Variants in EDIL3 observed in about 807,000 individuals in gnomAD.
EDIL3 encodes EGF like and discoidin domains 3, also known as EGF-like repeat and discoidin I-like domain-containing protein 3.
In EDIL3, 37 loss-of-function variants were observed where a neutral mutation model predicts 67.4. The observed-to-expected ratio is 0.55, with a 90% CI of 0.42 to 0.72. EDIL3 has a LOEUF of 0.72. EDIL3 is among the 30% of genes least tolerant of loss of function. The pLI is 0.00. For synonymous variants in EDIL3, 195 were observed against 196.3 expected, an observed-to-expected ratio of 0.99 and a Z score of 0.05; for missense variants, 527 against 586.3, an observed-to-expected ratio of 0.90 and a Z score of 1.04.
intron 5 of EDIL3, among the ~76,000 whole-genome samples, chr5:84,116,176 T>C (rs1747658756): frequency 1.4e-5 from 2 of 140,156 alleles, no homozygotes; most frequent in Admixed American, 1.5e-4. Context: ...TATGAAATTT[T>C]AGTGTTCCAG....
intron 1 of EDIL3, among the ~76,000 whole-genome samples, chr5:84,281,855 C>CT (rs10708663): frequency 0.038 from 2,730 of 72,172 alleles, 23 homozygotes; most frequent in Non-Finnish European, 0.045. Flanking sequence ...TTTTATTTCA[C>CT]TTTTTTTTTT....
intron 6 of EDIL3, among the ~76,000 whole-genome samples, chr5:84,070,022 A>G (rs1483295082): frequency 1.3e-5 from 2 of 151,930 alleles, no homozygotes; most frequent in African/African-American, 4.8e-5. Flanking sequence ...AATGATGTGG[A>G]TACCAAGGGG....
intron 4 of EDIL3, among the ~76,000 whole-genome samples, chr5:84,139,916 A>G (rs1748159820): frequency 6.6e-6 from 1 of 152,188 alleles, no homozygotes; most frequent in East Asian, 1.9e-4. Flanking sequence ...GTGTTTAGGT[A>G]CAGGAGTAAA....
intron 9 of EDIL3, among the ~76,000 whole-genome samples, chr5:84,004,496 A>C (rs1745380951): frequency 6.6e-6 from 1 of 152,172 alleles, no homozygotes; most frequent in Non-Finnish European, 1.5e-5. Flanking sequence ...AAGTGTAATA[A>C]AATCAATATG....
intron 1 of EDIL3, among the ~76,000 whole-genome samples, chr5:84,335,590 G>A (rs930808155): frequency 7.9e-5 from 12 of 152,068 alleles, no homozygotes; most frequent in East Asian, 1.9e-4. Context: ...AGAAAACTAC[G>A]TCCCAATTCT....
intron 6 of EDIL3, among the ~76,000 whole-genome samples, chr5:84,100,816 A>G (rs1171401746): frequency 2.0e-5 from 3 of 152,132 alleles, no homozygotes; most frequent in African/African-American, 7.2e-5. Context: ...TTTTGATTTC[A>G]GTCTGAAAAA....
intron 5 of EDIL3, among the ~76,000 whole-genome samples, chr5:84,122,610 T>A (rs1312838872): frequency 2.0e-5 from 3 of 151,886 alleles, no homozygotes; most frequent in Admixed American, 2.0e-4. Flanking sequence ...CCCAGGTACA[T>A]CTATTACCAA....
intron 3 of EDIL3, among the ~76,000 whole-genome samples, chr5:84,204,832 A>C (rs1006314681): frequency 6.7e-6 from 1 of 149,730 alleles, no homozygotes; most frequent in Non-Finnish European, 1.5e-5. Flanking sequence ...AGGCCACATG[A>C]CCTAAAAACG....
At chr5:84,344,954 A>C (rs1330583318) in intron 1 of EDIL3, among the ~76,000 whole-genome samples, 1 of 152,160 alleles carries the variant, frequency 6.6e-6, no homozygotes, top group Admixed American at 6.5e-5. Flanking sequence ...ATACCAAAGC[A>C]AATTGGTGGT....
chr5:84,193,636 T>C (rs1330249982), intron 3 of EDIL3, among the ~76,000 whole-genome samples: 2 of 151,820 alleles, frequency 1.3e-5, no homozygotes, highest in African/African-American at 4.8e-5. Context: ...CTCAATTTAA[T>C]AGCTAGATAT....
At chr5:84,008,005 G>A (rs759627623) in intron 9 of EDIL3, among the ~76,000 whole-genome samples, 10 of 152,066 alleles carry the variant, frequency 6.6e-5, no homozygotes, top group South Asian at 2.1e-4. Flanking sequence ...AGGACATCAC[G>A]TCAAATGAAA....
At chr5:84,019,142 A>T (rs1745663141) in intron 9 of EDIL3, among the ~76,000 whole-genome samples, 4 of 152,204 alleles carry the variant, frequency 2.6e-5, no homozygotes, top group Admixed American at 2.6e-4. Flanking sequence ...CTTGGAACCA[A>T]CCCAAATGTC....
intron 3 of EDIL3, among the ~76,000 whole-genome samples, chr5:84,193,499 G>T (rs1469708274): frequency 2.0e-5 from 3 of 151,888 alleles, no homozygotes; most frequent in Non-Finnish European, 4.4e-5. Context: ...GCAGAGGAGA[G>T]TGTGGCCTGG....
chr5:84,106,359 A>G (rs1185177538), intron 6 of EDIL3, among the ~76,000 whole-genome samples: 1 of 152,118 alleles, frequency 6.6e-6, no homozygotes, highest in Non-Finnish European at 1.5e-5. Context: ...CACAGTGGTA[A>G]TGAACACACA....
chr5:84,319,055 C>T (rs975774631), intron 1 of EDIL3, among the ~76,000 whole-genome samples: 5 of 152,146 alleles, frequency 3.3e-5, no homozygotes, highest in Non-Finnish European at 7.3e-5. Context: ...TGAAGAAATG[C>T]TCATCATCAC....
chr5:84,178,583 C>T (rs149229659), intron 4 of EDIL3, among the ~76,000 whole-genome samples: 148 of 152,246 alleles, frequency 9.7e-4, no homozygotes, highest in Non-Finnish European at 1.8e-3. Context: ...ATACTCATGG[C>T]TTATATGAAC....
At chr5:84,144,527 G>C (rs1748259824) in intron 4 of EDIL3, among the ~76,000 whole-genome samples, 1 of 152,068 alleles carries the variant, frequency 6.6e-6, no homozygotes, top group South Asian at 2.1e-4. Flanking sequence ...GCAGACTAGG[G>C]GATGTTGAGT....
At chr5:84,142,823 C>CCCG (rs1162523661) in intron 4 of EDIL3, among the ~76,000 whole-genome samples, 42 of 143,286 alleles carry the variant, frequency 2.9e-4, no homozygotes, top group African/African-American at 1.0e-3. Context: ...GACGGTGCCC[C>CCCG]CCCCCCCAAG....
chr5:84,193,371 A>G (rs1743631155), intron 3 of EDIL3, among the ~76,000 whole-genome samples: 1 of 151,926 alleles, frequency 6.6e-6, no homozygotes, highest in South Asian at 2.1e-4. Context: ...TTCATGTGTC[A>G]GTGGATGAAT....
Sources: allele counts gnomAD v4.1 joint callset (sites outside exome capture counted in the v4.1 genomes callset), GRCh38; gene constraint gnomAD v4.1.1; transcripts MANE v1.5; gene names NCBI Gene and HGNC (gene_info 2026-07-23, HGNC 2026-07-21).